The following PCGF6 variants were observed in gnomAD, a reference collection of about 807,000 sequenced individuals.
PCGF6 encodes the protein polycomb group ring finger 6.
A neutral mutation model predicts 45.5 loss-of-function variants in PCGF6; 24 were observed. That is an observed-to-expected ratio of 0.53 (90% confidence interval 0.38 to 0.74). The LOEUF (loss-of-function observed/expected upper bound fraction) is 0.74. Among genes scored for constraint, PCGF6 ranks in the 30% least tolerant of loss-of-function variants. The pLI is 0.00. For missense variants in PCGF6, 356 were observed against 443.2 expected (o/e 0.80, Z 1.77); for synonymous variants, 152 against 162.1 (o/e 0.94, Z 0.47).
chr10:103,344,548 G>A (rs948263988), intron 6 of PCGF6, among the ~76,000 whole-genome samples: 15 of 150,874 alleles, frequency 9.9e-5, no homozygotes, highest in Non-Finnish European at 8.9e-5. Flanking sequence ...GATTACAGGC[G>A]TAAGCCACCA....
Position 103,350,705 on chromosome 10 carries a change from ACCT to A in PCGF6, c.359_360+1del. The A allele has an allele frequency of 6.7e-7, 1 of 1,502,908 alleles. No individual in the cohort carries two copies. The highest frequency in any genetic ancestry group is 8.9e-7 in the Non-Finnish European group (1 of 1,122,842). The allele number at this position is 1,502,908 out of a possible 1,614,324, so 93.1% of individuals were successfully genotyped here. A position where few individuals can be genotyped will look rare whatever the true frequency, so the allele number is the denominator to read the frequency against. ...GCGGGGTCGCGCGGGGGCTCTAAATACCTCCTCCTCGTCCTCCGAGTCCTGCCG... is the reference window on the plus strand; with the variant it reads ...GCGGGGTCGCGCGGGGGCTCTAAATACCTCCTCGTCCTCCGAGTCCTGCCG... On this transcript the variant is annotated splice_donor_variant and coding_sequence_variant, in exon 1 of 10. Transcript: ENST00000369847. LOFTEE classifies it high-confidence loss of function.
chr10:103,328,212 T>C (rs1014277107), intron 7 of PCGF6, among the ~76,000 whole-genome samples: 6 of 152,214 alleles, frequency 3.9e-5, no homozygotes, highest in Middle Eastern at 3.4e-3. Flanking sequence ...CACAAAGTGT[T>C]TTTTTAGGAC....
In PCGF6 at chr10:103,343,832, C is replaced by CA. The variant is rs71019677; in HGVS notation, c.782+1191dup. ...TGGGCGACAGAGTAAAACTCTGTCT[C>CA]AAAAAAAAAAAAAAAAAAGAAAGGT... On this transcript the variant is annotated intron_variant, in intron 6 of 9. Coordinates refer to ENST00000369847, the MANE Select transcript of PCGF6 (RefSeq NM_001011663.2). Among the ~76,000 whole-genome samples, 59 of 32,484 alleles carry CA rather than the reference C, an allele frequency of 1.8e-3. 4 individuals are homozygous for CA. The highest frequency in any genetic ancestry group is 5.5e-3 in the African/African-American group (58 of 10,616). 21.3% of individuals were successfully genotyped at this position (32,484 alleles called of 152,430 possible). A position where few individuals can be genotyped will look rare whatever the true frequency, so the allele number is the denominator to read the frequency against.
At chr10:103,333,539 T>C (rs1271231168) in intron 7 of PCGF6, among the ~76,000 whole-genome samples, 2 of 152,180 alleles carry the variant, frequency 1.3e-5, no homozygotes, top group East Asian at 3.8e-4. Flanking sequence ...GAGTTCATTC[T>C]TACCTCTAAA....
chr10:103,337,275 C>T (rs1271376475), intron 6 of PCGF6, among the ~76,000 whole-genome samples: 2 of 152,158 alleles, frequency 1.3e-5, no homozygotes, highest in Non-Finnish European at 2.9e-5. Flanking sequence ...CACACATCTC[C>T]TAAGACTCTA....
intron 6 of PCGF6, among the ~76,000 whole-genome samples, chr10:103,340,103 G>A (rs1231002790): frequency 6.9e-6 from 1 of 144,502 alleles, no homozygotes; most frequent in Non-Finnish European, 1.5e-5. Flanking sequence ...CTTGAACCCA[G>A]GAGGCAGAGG....
At chr10:103,319,433 G>C (rs559418851) in intron 8 of PCGF6, among the ~76,000 whole-genome samples, 2 of 152,178 alleles carry the variant, frequency 1.3e-5, no homozygotes, top group East Asian at 3.9e-4. Context: ...TTACAAGCGT[G>C]AGCCACCGGA....
At chr10:103,347,791 T>G (rs913423191) in intron 3 of PCGF6, among the ~76,000 whole-genome samples, 1 of 151,968 alleles carries the variant, frequency 6.6e-6, no homozygotes, top group Non-Finnish European at 1.5e-5. Context: ...TAGGCTTAGG[T>G]GGATTTTTCC....
At chr10:103,327,591 G>T (rs1369349975) in intron 7 of PCGF6, among the ~76,000 whole-genome samples, 5 of 152,028 alleles carry the variant, frequency 3.3e-5, no homozygotes, top group Admixed American at 3.3e-4. Context: ...TTGGAGTGGT[G>T]TGTACATGGG....
At chr10:103,348,132 A>T (rs2093306409) in intron 3 of PCGF6, among the ~76,000 whole-genome samples, 2 of 152,122 alleles carry the variant, frequency 1.3e-5, no homozygotes, top group African/African-American at 2.4e-5. Context: ...CAGAATTTGG[A>T]ATACCTATAT....
chr10:103,345,425 G>A (rs1179792750), intron 5 of PCGF6, among the ~76,000 whole-genome samples: 1 of 152,050 alleles, frequency 6.6e-6, no homozygotes, highest in Admixed American at 6.6e-5. Flanking sequence ...ACTACTATGT[G>A]TCAGGGCTCA....
rs201745256 is a variant in PCGF6 at position 103,322,882 on chromosome 10, AAAAAAAC to A, written c.909+3645_909+3651del. On this transcript the variant is annotated intron_variant, in intron 8 of 9. Transcript: ENST00000369847. ...ACAGTATGTTATCCTTGCCACCAAA[AAAAAAAC>A]AAAAAACAAAAAACAAAAAAAAAAA... Among the ~76,000 whole-genome samples the A allele has an allele frequency of 3.3e-3, 502 of 151,832 alleles. 1 individual carries two copies. Among genetic ancestry groups the A allele is most frequent in the African/African-American group, 0.011 (465 of 41,330 alleles).
chr10:103,349,117 G>A (rs533309345), intron 1 of PCGF6, 118 bp from the exon 2 acceptor site: 10 of 787,622 alleles, frequency 1.3e-5, no homozygotes, highest in Middle Eastern at 2.4e-4. Context: ...ATGTCATCTC[G>A]GTTCACTGCA....
chr10:103,343,990 T>C (rs2093290662), intron 6 of PCGF6, among the ~76,000 whole-genome samples: 1 of 152,070 alleles, frequency 6.6e-6, no homozygotes, highest in African/African-American at 2.4e-5. Flanking sequence ...TACGGCAACA[T>C]TGTTTAAAAC....
At chr10:103,341,740 G>A (rs970814490) in intron 6 of PCGF6, among the ~76,000 whole-genome samples, 8 of 151,806 alleles carry the variant, frequency 5.3e-5, no homozygotes, top group African/African-American at 1.2e-4. Context: ...CACTGCGCCC[G>A]GCCAACTCTT....
At chr10:103,313,560 G>C (rs985256928) in intron 9 of PCGF6, among the ~76,000 whole-genome samples, 8 of 151,858 alleles carry the variant, frequency 5.3e-5, no homozygotes, top group African/African-American at 1.9e-4. Flanking sequence ...TCAAGACCTT[G>C]TCTCAAAAAA....
chr10:103,340,961 G>T (rs980427050), intron 6 of PCGF6, among the ~76,000 whole-genome samples: 8 of 152,022 alleles, frequency 5.3e-5, no homozygotes, highest in Non-Finnish European at 4.4e-5. Context: ...CAGGCGCGGT[G>T]GCTCACGCCT....
intron 9 of PCGF6, among the ~76,000 whole-genome samples, chr10:103,304,609 G>C (rs1439421383): frequency 6.6e-6 from 1 of 151,396 alleles, no homozygotes; most frequent in Admixed American, 6.6e-5. Flanking sequence ...CCACAGTGCT[G>C]GGATTAGAGG....
At chr10:103,329,319 C>T (rs1041679104) in intron 7 of PCGF6, among the ~76,000 whole-genome samples, 18 of 151,588 alleles carry the variant, frequency 1.2e-4, no homozygotes, top group African/African-American at 3.1e-4. Context: ...GGATTACAGG[C>T]GTGAGCCACC....
Sources: gnomAD v4.1 joint callset for allele counts (sites outside exome capture counted in the v4.1 genomes callset) on GRCh38, gnomAD v4.1.1 for gene constraint, MANE v1.5 for transcripts, NCBI Gene and HGNC (gene_info 2026-07-23, HGNC 2026-07-21) for gene names.